Variants in DPP6 observed in about 807,000 individuals in gnomAD.
The protein encoded by DPP6 is dipeptidyl peptidase like 6, also known as A-type potassium channel modulatory protein DPP6.
In DPP6, 69 loss-of-function variants were observed where a neutral mutation model predicts 122.6. That is an observed-to-expected ratio of 0.56 (90% CI 0.46 to 0.69). DPP6 has a LOEUF of 0.69. Ranked by LOEUF, DPP6 falls within the 30% of genes least tolerant of loss-of-function variation. DPP6 has a pLI of 0.00. For missense variants in DPP6, 928 were observed against 1,116.9 expected, an observed-to-expected ratio of 0.83 and a Z score of 2.41; for synonymous variants, 418 against 433.1, an observed-to-expected ratio of 0.97 and a Z score of 0.43.
intron 1 of DPP6, among the ~76,000 whole-genome samples, chr7:153,893,704 G>T (rs971811855): frequency 1.3e-5 from 2 of 152,232 alleles, no homozygotes; most frequent in African/African-American, 4.8e-5. Flanking sequence ...ATAAAATATA[G>T]AGAGCAATCT....
intron 6 of DPP6, among the ~76,000 whole-genome samples, chr7:154,639,023 C>T (rs1835900658): frequency 6.6e-6 from 1 of 152,166 alleles, no homozygotes; most frequent in South Asian, 2.1e-4. Context: ...CCTCATTTCC[C>T]AAGCAAATTT....
chr7:154,116,289 ACTTAG>A (rs770136625), intron 1 of DPP6, among the ~76,000 whole-genome samples: 1 of 152,222 alleles, frequency 6.6e-6, no homozygotes, highest in Non-Finnish European at 1.5e-5. Context: ...TTTTTATATA[ACTTAG>A]CTTGTTTTGC....
chr7:153,926,825 A>AC (rs1563015418), intron 1 of DPP6, among the ~76,000 whole-genome samples: 5 of 151,696 alleles, frequency 3.3e-5, no homozygotes, highest in Non-Finnish European at 5.9e-5. Flanking sequence ...AAAAAAAAAA[A>AC]TACTACTTGT....
chr7:153,941,107 A>C (rs368902235), intron 1 of DPP6, among the ~76,000 whole-genome samples: 3 of 152,230 alleles, frequency 2.0e-5, no homozygotes, highest in African/African-American at 4.8e-5. Context: ...GAAGGGTTAG[A>C]GAAATGTGCA....
intron 1 of DPP6, among the ~76,000 whole-genome samples, chr7:154,060,054 C>T (rs1177756510): frequency 2.0e-5 from 3 of 150,324 alleles, no homozygotes; most frequent in South Asian, 2.1e-4. Flanking sequence ...CAGAGCCAAC[C>T]CCTCTTCCCC....
chr7:153,758,056 C>T, the DPP6 span, among the ~76,000 whole-genome samples: 84 of 152,160 alleles, frequency 5.5e-4, no homozygotes, highest in African/African-American at 1.8e-3. Context: ...CATAGTAAAA[C>T]ATACTTAATG....
intron 1 of DPP6, among the ~76,000 whole-genome samples, chr7:154,055,394 A>G (rs1432631205): frequency 6.7e-6 from 1 of 149,562 alleles, no homozygotes; most frequent in Non-Finnish European, 1.5e-5. Context: ...AGATAGATGA[A>G]CATATCAAAC....
intron 1 of DPP6, among the ~76,000 whole-genome samples, chr7:154,151,501 T>C (rs1033636606): frequency 1.3e-5 from 2 of 152,228 alleles, no homozygotes; most frequent in African/African-American, 4.8e-5. Context: ...TTGCTTCCAA[T>C]TGTGTTCGAC....
intron 7 of DPP6, among the ~76,000 whole-genome samples, chr7:154,682,394 C>T (rs544764371): frequency 1.3e-5 from 2 of 152,252 alleles, no homozygotes; most frequent in African/African-American, 4.8e-5. Context: ...TCTTGTCCCA[C>T]TAGGACACCG....
intron 3 of DPP6, among the ~76,000 whole-genome samples, chr7:154,520,035 G>A (rs1419452551): frequency 2.6e-5 from 4 of 152,160 alleles, no homozygotes; most frequent in Non-Finnish European, 1.5e-5. Context: ...GCAAGGTAAA[G>A]TAACTGCTCT....
At chr7:154,295,982 T>C (rs1379617277) in intron 1 of DPP6, among the ~76,000 whole-genome samples, 1 of 145,438 alleles carries the variant, frequency 6.9e-6, no homozygotes, top group African/African-American at 2.6e-5. Context: ...TCTCTCTCTG[T>C]CACCCAGGCT....
upstream of DPP6, among the ~76,000 whole-genome samples, chr7:153,886,472 G>A (rs368055095): frequency 3.0e-4 from 46 of 152,272 alleles, no homozygotes; most frequent in South Asian, 5.0e-3. Context: ...GGCTGCGGGA[G>A]GTCTTCGGGG....
rs572121615 is a variant in DPP6 at position 153,912,209 on chromosome 7, A to C, written c.51+24475A>C. Among the ~76,000 whole-genome samples the C allele has an allele frequency of 7.2e-5, 11 of 152,330 alleles. No individual in the cohort carries two copies. In the South Asian group the frequency reaches 2.3e-3, roughly 32 times the overall value. Reference sequence around the variant, plus strand: ...ACTGAAGAAGTTCAGAGAAGAAAAGATTTTGTCTCCAAATGAGTTTTTAAG... The same window carrying C: ...ACTGAAGAAGTTCAGAGAAGAAAAGCTTTTGTCTCCAAATGAGTTTTTAAG... On this transcript the variant is annotated intron_variant, in intron 1 of 25. Coordinates refer to the DPP6 transcript ENST00000404039.
At chr7:154,140,975 A>G (rs1795815190) in intron 1 of DPP6, among the ~76,000 whole-genome samples, 1 of 152,164 alleles carries the variant, frequency 6.6e-6, no homozygotes, top group Non-Finnish European at 1.5e-5. Context: ...TTTTCTGTTA[A>G]TCCCAGGGTG....
the DPP6 span, among the ~76,000 whole-genome samples, chr7:153,867,724 G>T: frequency 6.1e-3 from 922 of 152,230 alleles, 8 homozygotes; most frequent in Middle Eastern, 0.024. Context: ...TCCCTGTCTT[G>T]TGCCGGTTTT....
At chr7:154,168,755 G>T (rs182764740) in intron 1 of DPP6, among the ~76,000 whole-genome samples, 1 of 152,320 alleles carries the variant, frequency 6.6e-6, no homozygotes, top group East Asian at 1.9e-4. Flanking sequence ...GATGGGAAAT[G>T]CATTTGCTCA....
At chr7:154,200,633 G>A (rs1026017681) in intron 1 of DPP6, among the ~76,000 whole-genome samples, 4 of 152,156 alleles carry the variant, frequency 2.6e-5, no homozygotes, top group South Asian at 4.1e-4. Context: ...TTTCTGTCTC[G>A]TGAGGACTCT....
At chr7:154,402,789 T>C (rs1278539595) in intron 1 of DPP6, among the ~76,000 whole-genome samples, 2 of 138,286 alleles carry the variant, frequency 1.4e-5, no homozygotes, top group African/African-American at 6.8e-5. Flanking sequence ...AAAATAAAAA[T>C]AAAAATAAAA....
At chr7:154,062,293 C>CCCCG (rs1802090133) in intron 1 of DPP6, among the ~76,000 whole-genome samples, 2 of 75,290 alleles carry the variant, frequency 2.7e-5, no homozygotes, top group South Asian at 5.7e-4. Flanking sequence ...AGTCCCTCTT[C>CCCCG]CCCCCCGGCT....
Sources: gnomAD v4.1 joint callset for allele counts (sites outside exome capture counted in the v4.1 genomes callset) on GRCh38, gnomAD v4.1.1 for gene constraint, MANE v1.5 for transcripts, NCBI Gene and HGNC (gene_info 2026-07-23, HGNC 2026-07-21) for gene names.